Variants in ATP8A1 observed in about 807,000 individuals in gnomAD.
The protein encoded by ATP8A1 is ATPase phospholipid transporting 8A1.
Under a neutral mutation model 177.7 loss-of-function variants are expected in ATP8A1, and 90 were observed. The observed-to-expected ratio is 0.51, with a 90% CI of 0.43 to 0.60. The LOEUF (loss-of-function observed/expected upper bound fraction) is 0.60, where lower values mean the gene tolerates loss of function less well. ATP8A1 is among the 20% of genes least tolerant of loss of function. The pLI, the probability that ATP8A1 is intolerant of heterozygous loss-of-function variation, is 0.00. For missense variants in ATP8A1, 1,072 were observed against 1,392.8 expected (o/e 0.77, Z 3.67); for synonymous variants, 493 against 485.9 (o/e 1.01, Z -0.19).
intron 1 of ATP8A1, among the ~76,000 whole-genome samples, chr4:42,651,998 C>T (rs941899072): frequency 1.3e-5 from 2 of 152,258 alleles, no homozygotes; most frequent in Non-Finnish European, 2.9e-5. Context: ...TAGTCTTCTG[C>T]TTTATCTACT....
chr4:42,508,123 GTTATTATTT>G lies in ATP8A1; in HGVS notation c.1948-978_1948-970del, dbSNP rs112621976. Among the ~76,000 whole-genome samples the G allele has an allele frequency of 1.2e-3, 180 of 152,198 alleles. 1 individual carries two copies. The highest frequency in any genetic ancestry group is 4.2e-3 in the African/African-American group (175 of 41,524). On this transcript the variant is annotated intron_variant, in intron 22 of 36. Transcript: ENST00000381668. ...CAACCAATGGGCTCTGGGGAAAGCT[GTTATTATTT>G]TTATTATTTATTTATTTTGAGATGG...
At chr4:42,514,466 G>GT (rs1371795251) in intron 22 of ATP8A1, among the ~76,000 whole-genome samples, 1 of 152,196 alleles carries the variant, frequency 6.6e-6, no homozygotes, top group African/African-American at 2.4e-5. Context: ...CTAACGGCCA[G>GT]TTGAGGGAAA....
intron 1 of ATP8A1, among the ~76,000 whole-genome samples, chr4:42,643,283 A>C (rs1740192302): frequency 6.6e-6 from 1 of 152,240 alleles, no homozygotes; most frequent in Admixed American, 6.5e-5. Context: ...AGAAGATGGA[A>C]ATTCTGAAAT....
intron 5 of ATP8A1, among the ~76,000 whole-genome samples, chr4:42,610,236 C>A (rs1293987546): frequency 6.6e-6 from 1 of 151,294 alleles, no homozygotes; most frequent in Non-Finnish European, 1.5e-5. Flanking sequence ...TCCTGTAGGA[C>A]AAGTATGATT....
At chr4:42,470,913 G>A (rs1720329840) in intron 25 of ATP8A1, among the ~76,000 whole-genome samples, 2 of 152,278 alleles carry the variant, frequency 1.3e-5, no homozygotes, top group African/African-American at 4.8e-5. Flanking sequence ...GAATATCAGT[G>A]TATTTCCAAC....
At chr4:42,528,272 G>A (rs145867439) in intron 20 of ATP8A1, among the ~76,000 whole-genome samples, 1,747 of 152,202 alleles carry the variant, frequency 0.011, 32 homozygotes, top group African/African-American at 0.039. Flanking sequence ...GGGCTATTAC[G>A]GTGGGAAAGG....
chr4:42,485,795 A>G, intron 24 of ATP8A1, 127 bp from the exon 25 acceptor site: 1 of 761,202 alleles, frequency 1.3e-6, no homozygotes, highest in Non-Finnish European at 2.1e-6. Context: ...AATTGCTTTC[A>G]CATACTTTCA....
At chr4:42,631,009 T>C (rs988105345) in intron 1 of ATP8A1, among the ~76,000 whole-genome samples, 4 of 152,242 alleles carry the variant, frequency 2.6e-5, no homozygotes, top group Non-Finnish European at 4.4e-5. Context: ...TGTATTACAA[T>C]AAATGTAATA....
intron 22 of ATP8A1, among the ~76,000 whole-genome samples, chr4:42,520,964 A>T (rs923768888): frequency 6.6e-6 from 1 of 152,164 alleles, no homozygotes; most frequent in Non-Finnish European, 1.5e-5. Context: ...ATCTGCAGCT[A>T]GAACATGGCA....
chr4:42,645,909 A>G lies in ATP8A1; in HGVS notation c.49+10916T>C, dbSNP rs75227425. On this transcript the variant is annotated intron_variant, in intron 1 of 36. Coordinates refer to ENST00000381668, the MANE Select transcript of ATP8A1 (RefSeq NM_006095.2). ...AGACCCATCTCATTTCTTTGGTCAG[A>G]GACAGAACATGGCCTAGGTTAGAGA... 9.3e-4 allele frequency among the ~76,000 whole-genome samples: 141 copies of G among 152,152 alleles called. 1 individual carries two copies. The highest frequency in any genetic ancestry group is 3.2e-3 in the African/African-American group (134 of 41,478).
intron 18 of ATP8A1, among the ~76,000 whole-genome samples, chr4:42,550,221 T>C (rs1209994166): frequency 1.3e-5 from 2 of 151,340 alleles, no homozygotes; most frequent in Non-Finnish European, 2.9e-5. Flanking sequence ...TTGCTCGGCA[T>C]AATGTTTTTG....
intron 18 of ATP8A1, among the ~76,000 whole-genome samples, chr4:42,550,590 C>T (rs1386963866): frequency 6.6e-6 from 1 of 152,168 alleles, no homozygotes; most frequent in Non-Finnish European, 1.5e-5. Flanking sequence ...TCTACACACT[C>T]ATTAACATTT....
Position 42,656,835 on chromosome 4 carries a change from C to G in ATP8A1, c.39G>C (p.Ser13=). The G allele has an allele frequency of 6.3e-7, 1 of 1,582,114 alleles. No homozygotes were observed. The highest frequency in any genetic ancestry group is 8.6e-7 in the Non-Finnish European group (1 of 1,164,388). The part of the protein sequence containing the change: ...TMRRTVSEIR[S]RAEGYEKTDD... ...TCGGCGGCCCCTTACCTTCGGCGCG[C>G]GAGCGGATCTCCGACACGGTCCTCC... The change falls in exon 1 of 37, where the codon TCG becomes TCC. Residue 13 remains serine (S), a synonymous_variant. Coordinates refer to ENST00000381668, the MANE Select transcript of ATP8A1 (RefSeq NM_006095.2).
chr4:42,461,756 T>C (rs1250582967), intron 27 of ATP8A1, among the ~76,000 whole-genome samples: 2 of 152,012 alleles, frequency 1.3e-5, no homozygotes, highest in Admixed American at 6.6e-5. Context: ...TTGGAAGAGT[T>C]TGGAGAGCTC....
intron 24 of ATP8A1, among the ~76,000 whole-genome samples, chr4:42,493,568 T>G (rs539221992): frequency 1.3e-5 from 2 of 152,256 alleles, no homozygotes; most frequent in African/African-American, 4.8e-5. Flanking sequence ...TCGCCAGAGT[T>G]ATGTATGTAT....
At chr4:42,436,679 A>G (rs1013493773) in intron 33 of ATP8A1, among the ~76,000 whole-genome samples, 9 of 152,212 alleles carry the variant, frequency 5.9e-5, no homozygotes, top group African/African-American at 1.7e-4. Flanking sequence ...AGAATTTTGC[A>G]TAGTTGTTCC....
intron 20 of ATP8A1, among the ~76,000 whole-genome samples, chr4:42,527,055 C>G (rs1347013607): frequency 1.3e-5 from 2 of 152,120 alleles, no homozygotes; most frequent in Non-Finnish European, 2.9e-5. Flanking sequence ...CATAATGAAG[C>G]TGGTTGGTTG....
At chr4:42,565,181 C>T (rs1046951859) in intron 15 of ATP8A1, among the ~76,000 whole-genome samples, 2 of 152,154 alleles carry the variant, frequency 1.3e-5, no homozygotes, top group Admixed American at 6.5e-5. Context: ...AGCTTGAAAA[C>T]GGACTAATAC....
At chr4:42,628,785 G>C (rs1201735849) in intron 1 of ATP8A1, among the ~76,000 whole-genome samples, 1 of 152,188 alleles carries the variant, frequency 6.6e-6, no homozygotes, top group Non-Finnish European at 1.5e-5. Context: ...GAAGACCAGA[G>C]TGTGCTGTTC....
Sources: allele counts gnomAD v4.1 joint callset (sites outside exome capture counted in the v4.1 genomes callset), GRCh38; gene constraint gnomAD v4.1.1; transcripts MANE v1.5; gene names NCBI Gene and HGNC (gene_info 2026-07-23, HGNC 2026-07-21).